Variants in XPR1 observed in about 807,000 individuals in gnomAD.
XPR1 encodes the protein solute carrier family 53 member 1.
XPR1 carries 28 observed loss-of-function variants against 87.5 expected under a neutral mutation model. The ratio of observed to expected loss-of-function variants is 0.32; its 90% CI spans 0.24 to 0.44. The LOEUF (loss-of-function observed/expected upper bound fraction) is 0.44. Among genes scored for constraint, XPR1 ranks in the 20% least tolerant of loss-of-function variants. The pLI, the probability that XPR1 is intolerant of heterozygous loss-of-function variation, is 1.00. For synonymous variants in XPR1, 300 were observed against 306.1 expected, an observed-to-expected ratio of 0.98 and a Z score of 0.21; for missense variants, 559 against 862.3, an observed-to-expected ratio of 0.65 and a Z score of 4.41.
chr1:180,837,734 A>T (rs766886587), intron 11 of XPR1, among the ~76,000 whole-genome samples: 2 of 152,174 alleles, frequency 1.3e-5, no homozygotes, highest in African/African-American at 2.4e-5. Context: ...TAAGTATGTC[A>T]GTGAAGGAAA....
chr1:180,788,743 A>G (rs928440805), intron 3 of XPR1, among the ~76,000 whole-genome samples: 6 of 152,236 alleles, frequency 3.9e-5, no homozygotes, highest in Admixed American at 6.5e-5. Flanking sequence ...TAATATGCAC[A>G]TTACATGCCT....
chr1:180,836,431 TAGA>T, intron 10 of XPR1, 88 bp from the exon 11 acceptor site: 3 of 1,424,082 alleles, frequency 2.1e-6, no homozygotes, highest in African/African-American at 1.4e-5. Context: ...TTTGCTTTTT[TAGA>T]CTTGGTATTA....
At chr1:180,794,160 T>C (rs1313067733) in intron 3 of XPR1, among the ~76,000 whole-genome samples, 1 of 152,234 alleles carries the variant, frequency 6.6e-6, no homozygotes, top group African/African-American at 2.4e-5. Context: ...ACCTAGATGG[T>C]ATATCCTATT....
chr1:180,682,905 C>G (rs1656628430), intron 2 of XPR1, among the ~76,000 whole-genome samples: 1 of 151,848 alleles, frequency 6.6e-6, no homozygotes, highest in South Asian at 2.1e-4. Flanking sequence ...TAAATAGGAG[C>G]TAATTCAACA....
At position 180,884,198 on chromosome 1, in the gene XPR1, A is replaced by C; in HGVS notation, c.*132A>C. On this transcript the variant is annotated 3_prime_UTR_variant, in exon 15 of 15. Coordinates refer to ENST00000367590, the MANE Select transcript of XPR1 (RefSeq NM_004736.4). ...TAACACATTTTCCGAGCTCTTCCGG[A>C]TCGGATCCTATGGACTCCAAACAAG... 3 of 637,548 alleles carry C rather than the reference A, an allele frequency of 4.7e-6. No homozygotes were observed. The highest frequency in any genetic ancestry group is 2.6e-4 in the Middle Eastern group (1 of 3,870). The allele number at this position is 637,548 out of a possible 1,614,324, so 39.5% of individuals were successfully genotyped here. A position where few individuals can be genotyped will look rare whatever the true frequency, so the allele number is the denominator to read the frequency against.
chr1:180,732,100 G>C (rs1219795058), intron 2 of XPR1, among the ~76,000 whole-genome samples: 1 of 151,254 alleles, frequency 6.6e-6, no homozygotes, highest in Non-Finnish European at 1.5e-5. Context: ...GCCTGAGGCA[G>C]GAGAATTGCT....
chr1:180,661,274 A>T (rs1266789686), intron 1 of XPR1, among the ~76,000 whole-genome samples: 1 of 151,676 alleles, frequency 6.6e-6, no homozygotes, highest in East Asian at 1.9e-4. Context: ...TAGGCAACAG[A>T]TCTTGTTAAA....
At chr1:180,872,898 T>C (rs1003639172) in intron 12 of XPR1, among the ~76,000 whole-genome samples, 6 of 152,050 alleles carry the variant, frequency 3.9e-5, no homozygotes, top group African/African-American at 1.2e-4. Flanking sequence ...GTAGAAGAAG[T>C]AGCTACAAAT....
At chr1:180,863,667 G>A (rs1198743531) in intron 11 of XPR1, 41 bp from the exon 12 acceptor site, 3 of 1,503,430 alleles carry the variant, frequency 2.0e-6, no homozygotes, top group Non-Finnish European at 8.8e-7. Flanking sequence ...TTACTTAAAT[G>A]TAGTAATTTT....
At chr1:180,760,404 A>G (rs1207233149) in intron 2 of XPR1, among the ~76,000 whole-genome samples, 5 of 152,238 alleles carry the variant, frequency 3.3e-5, no homozygotes, top group East Asian at 1.9e-4. Context: ...CTGATAAGCA[A>G]CTTCAGCAAA....
intron 11 of XPR1, among the ~76,000 whole-genome samples, chr1:180,855,828 T>G (rs953001414): frequency 2.0e-5 from 3 of 152,148 alleles, no homozygotes; most frequent in Non-Finnish European, 2.9e-5. Context: ...TCAGCTACCT[T>G]CTCCCTACAT....
intron 11 of XPR1, among the ~76,000 whole-genome samples, chr1:180,852,043 C>A (rs1651882234): frequency 6.6e-6 from 1 of 151,238 alleles, no homozygotes; most frequent in Middle Eastern, 3.4e-3. Flanking sequence ...GCCTTTAAAA[C>A]CTCCTCTTGG....
At chr1:180,652,496 C>T (rs892944559) in intron 1 of XPR1, among the ~76,000 whole-genome samples, 13 of 152,166 alleles carry the variant, frequency 8.5e-5, no homozygotes, top group Admixed American at 5.9e-4. Context: ...CTGCTCCAGC[C>T]TCCAGCCCAG....
In XPR1 at chr1:180,803,680, C is replaced by G. The variant is rs902746921; in HGVS notation, c.447+69C>G. ...GAGAAATTTCAATAAATGGAAGTAC[C>G]CTAAAGTATTACCAGTGGGTCAGTT... On this transcript the variant is annotated intron_variant, in intron 4 of 14. Transcript: ENST00000367590. 2.7e-5 allele frequency: 36 copies of G among 1,350,508 alleles called. No individual in the cohort carries two copies. In the African/African-American group the frequency reaches 5.0e-4, roughly 19 times the overall value. The allele number at this position is 1,350,508 out of a possible 1,614,324, so 83.7% of individuals were successfully genotyped here.
At chr1:180,782,328 A>G (rs1453410027) in intron 2 of XPR1, among the ~76,000 whole-genome samples, 1 of 152,088 alleles carries the variant, frequency 6.6e-6, no homozygotes. Context: ...AGACTGCCAT[A>G]GCAGAATACT....
chr1:180,834,953 T>C lies in XPR1; in HGVS notation c.1214T>C (p.Val405Ala). ...GCGGATCAGCTGAACAGCCTGTCAG[T>C]GATACTGATGGACCTGGAATATATG... ...WLADQLNSLS[V>A]ILMDLEYMIC... The change falls in exon 10 of 15, where the codon GTG becomes GCG. Residue 405 changes from valine to alanine, a missense_variant. By Grantham distance (64) the Val-to-Ala change is moderately conservative (BLOSUM62 0). Around this residue, in one of 7 missense-constraint regions of XPR1, gnomAD observed 264 missense variants for 377.2 expected, o/e 0.70. Coordinates refer to ENST00000367590, the MANE Select transcript of XPR1 (RefSeq NM_004736.4). 7 of 1,614,154 alleles carry C rather than the reference T, an allele frequency of 4.3e-6. No homozygotes were observed. The highest frequency in any genetic ancestry group is 5.9e-6 in the Non-Finnish European group (7 of 1,180,024).
At chr1:180,648,245 AT>A (rs1273012988) in intron 1 of XPR1, among the ~76,000 whole-genome samples, 1 of 152,078 alleles carries the variant, frequency 6.6e-6, no homozygotes, top group African/African-American at 2.4e-5. Context: ...TATATCTCTC[AT>A]TTTAGGATTT....
chr1:180,703,511 G>T (rs1177079765), intron 2 of XPR1, among the ~76,000 whole-genome samples: 2 of 152,076 alleles, frequency 1.3e-5, no homozygotes, highest in African/African-American at 4.8e-5. Flanking sequence ...TCAGGCCCCT[G>T]ATTATGCACA....
chr1:180,651,824 G>A (rs1279428531), intron 1 of XPR1, among the ~76,000 whole-genome samples: 3 of 152,100 alleles, frequency 2.0e-5, no homozygotes, highest in Admixed American at 1.3e-4. Flanking sequence ...AAAGGACTTT[G>A]CATTTTGATA....
Sources: gnomAD v4.1 joint callset for allele counts (sites outside exome capture counted in the v4.1 genomes callset) on GRCh38, gnomAD v4.1.1 for gene constraint, gnomAD v4.1.1 regional missense constraint, MANE v1.5 for transcripts, NCBI Gene and HGNC (gene_info 2026-07-23, HGNC 2026-07-21) for gene names.